Variants in SNRNP200 observed in about 807,000 individuals in gnomAD.
The protein encoded by SNRNP200 is U5 small nuclear ribonucleoprotein 200 kDa helicase.
In SNRNP200, 66 loss-of-function variants were observed where a neutral mutation model predicts 255.2. That is an observed-to-expected ratio of 0.26 (90% CI 0.21 to 0.32). The LOEUF (loss-of-function observed/expected upper bound fraction) is 0.32, where lower values mean the gene tolerates loss of function less well. SNRNP200 is among the 10% of genes least tolerant of loss of function. The pLI, the probability that SNRNP200 is intolerant of heterozygous loss-of-function variation, is 1.00. For missense variants in SNRNP200, 1,585 were observed against 2,749.8 expected (o/e 0.58, Z 9.47); for synonymous variants, 939 against 1,027.8 (o/e 0.91, Z 1.65).
At chr2:96,285,458 A>C (rs2063838591) in intron 29 of SNRNP200, 118 bp from the exon 30 acceptor site, 1 of 1,178,658 alleles carries the variant, frequency 8.5e-7, no homozygotes, top group African/African-American at 1.5e-5. Context: ...GCAGTTCTGG[A>C]GTGCAGACAG....
chr2:96,295,435 A>C, intron 14 of SNRNP200, 53 bp downstream of exon 14: 1 of 1,607,838 alleles, frequency 6.2e-7, no homozygotes, highest in Non-Finnish European at 8.5e-7. Context: ...AAAACCCAGC[A>C]AACCCGCCCT....
chr2:96,291,553 C>A lies in SNRNP200; in HGVS notation c.2311-51G>T. 7.5e-7 allele frequency: 1 copy of A among 1,338,366 alleles called. No homozygotes were observed. Among genetic ancestry groups the A allele is most frequent in the Non-Finnish European group, 1.1e-6 (1 of 929,610 alleles). 82.9% of individuals were successfully genotyped at this position (1,338,366 alleles called of 1,614,324 possible). The stretch of plus-strand genomic sequence containing the variant: ...GGCGAGCCTTCCTGTAGGACTCATC[C>A]AAGGACTAAGGAAATCTCCTCCCAT... On this transcript the variant is annotated intron_variant, in intron 17 of 44. Transcript: ENST00000323853. This position sits in a 1 kb window ranked among gnomAD's most constrained non-coding sequence, Gnocchi z 4.2.
At chr2:96,281,508 C>A in intron 35 of SNRNP200, 2 of 380,164 alleles carry the variant, frequency 5.3e-6, no homozygotes, top group Non-Finnish European at 1.0e-5. Context: ...AGGTGTATGA[C>A]CTCGACCAAG....
Position 96,277,450 on chromosome 2 carries a change from C to A in SNRNP200, c.5931+89G>T. 1 of 1,506,386 alleles carries A rather than the reference C, an allele frequency of 6.6e-7. No individual in the cohort carries two copies. The highest frequency in any genetic ancestry group is 9.2e-7 in the Non-Finnish European group (1 of 1,086,518). The allele number at this position is 1,506,386 out of a possible 1,614,324, so 93.3% of individuals were successfully genotyped here. A position where few individuals can be genotyped will look rare whatever the true frequency, so the allele number is the denominator to read the frequency against. On this transcript the variant is annotated intron_variant, in intron 41 of 44. Coordinates refer to ENST00000323853, the MANE Select transcript of SNRNP200 (RefSeq NM_014014.5). The surrounding 1 kb of genome is among the most constrained non-coding windows in gnomAD (Gnocchi z 4.4). ...GAACCATAACTAAAAGTTTAACTTA[C>A]TGAGACTCACCTCCCGCAACCCACG...
At chr2:96,297,342 T>C (rs2063923269) in intron 11 of SNRNP200, 21 bp downstream of exon 11, 1 of 1,612,470 alleles carries the variant, frequency 6.2e-7, no homozygotes, top group Non-Finnish European at 8.5e-7. Flanking sequence ...AGCAGAGAAC[T>C]GAAGAAAGCA....
chr2:96,276,876 C>G, intron 43 of SNRNP200, 28 bp downstream of exon 43: 1 of 1,612,838 alleles, frequency 6.2e-7, no homozygotes, highest in Non-Finnish European at 8.5e-7. Flanking sequence ...TGAGTTGACA[C>G]CTGACCAAGC....
chr2:96,295,981 A>G (rs1171753491), intron 13 of SNRNP200, among the ~76,000 whole-genome samples: 2 of 152,058 alleles, frequency 1.3e-5, no homozygotes, highest in Non-Finnish European at 2.9e-5. Context: ...AAAAAATATA[A>G]AAATTAGCTA....
At chr2:96,285,365 T>G in intron 29 of SNRNP200, 25 bp from the exon 30 acceptor site, 1 of 1,612,892 alleles carries the variant, frequency 6.2e-7, no homozygotes, top group Non-Finnish European at 8.5e-7. Context: ...AAAGAAGCAG[T>G]GTAAGTATCA....
At chr2:96,281,770 T>C in intron 35 of SNRNP200, 44 bp downstream of exon 35, 3 of 1,399,404 alleles carry the variant, frequency 2.1e-6, no homozygotes, top group Non-Finnish European at 3.0e-6. Context: ...ACATTCATTT[T>C]AGGAAGGAGG....
chr2:96,298,866 A>G lies in SNRNP200; in HGVS notation c.831T>C (p.Asp277=), dbSNP rs779797601. The G allele has an allele frequency of 5.0e-6, 8 of 1,614,206 alleles. No homozygotes were observed. The highest frequency in any genetic ancestry group is 1.7e-5 in the Admixed American group (1 of 60,034). Residue 277 remains aspartate (D), a synonymous_variant, in exon 7 of 45, where the codon GAT becomes GAC. Transcript: ENST00000323853. ...CCTTCTTCTGCGACACGATGGCATC[A>G]TCATAGAAACGACTGAGCTGCCGCT... The part of the protein sequence containing the change: ...WLQRQLSRFY[D]DAIVSQKKAD...
intron 4 of SNRNP200, 43 bp downstream of exon 4, chr2:96,301,481 C>A (rs751968991): frequency 9.4e-6 from 15 of 1,596,944 alleles, no homozygotes; most frequent in Admixed American, 6.7e-5. Context: ...TAGGGGTCAA[C>A]AACAACCAAT....
At position 96,287,228 on chromosome 2, in the gene SNRNP200, G is replaced by T; in HGVS notation, c.3485-68C>A. 1 of 1,583,584 alleles carries T rather than the reference G, an allele frequency of 6.3e-7. No homozygotes were observed. Among genetic ancestry groups the T allele is most frequent in the East Asian group, 2.2e-5 (1 of 44,738 alleles). ...TACTATACTGCAAACTGGGCCTGAG[G>T]GCCACTGTGGGAAAGGGGTAGGGTC... On this transcript the variant is annotated intron_variant, in intron 26 of 44. Transcript: ENST00000323853. This position sits in a 1 kb window ranked among gnomAD's most constrained non-coding sequence, Gnocchi z 5.7.
At position 96,295,673 on chromosome 2, in the gene SNRNP200, C is replaced by G; in HGVS notation, c.1672-15G>C. On this transcript the variant is annotated splice_polypyrimidine_tract_variant and intron_variant, in intron 13 of 44. Coordinates refer to ENST00000323853, the MANE Select transcript of SNRNP200 (RefSeq NM_014014.5). ...GTGGCCAGGCGCTGTGGGAGGAAAACTACATCAGGCAGGAATGCTTGAAGG... is the reference window on the plus strand; with the variant it reads ...GTGGCCAGGCGCTGTGGGAGGAAAAGTACATCAGGCAGGAATGCTTGAAGG... 6.2e-7 allele frequency: 1 copy of G among 1,612,750 alleles called. No homozygotes were observed. The highest frequency in any genetic ancestry group is 8.5e-7 in the Non-Finnish European group (1 of 1,179,926).
chr2:96,290,294 A>G lies in SNRNP200; in HGVS notation c.2742+32T>C. 1 of 1,611,324 alleles carries G rather than the reference A, an allele frequency of 6.2e-7. No homozygotes were observed. Among genetic ancestry groups the G allele is most frequent in the Non-Finnish European group, 8.5e-7 (1 of 1,178,500 alleles). ...CTGGTGCCTTGGTGTCTGCGGGGAA[A>G]GCATGAAGCACAACAAGCAGTCCTC... On this transcript the variant is annotated intron_variant, in intron 20 of 44. Coordinates refer to ENST00000323853, the MANE Select transcript of SNRNP200 (RefSeq NM_014014.5). The surrounding 1 kb of genome is among the most constrained non-coding windows in gnomAD (Gnocchi z 4.5).
chr2:96,274,996 G>A lies in SNRNP200; in HGVS notation c.*16C>T. On this transcript the variant is annotated 3_prime_UTR_variant, in exon 45 of 45. Transcript: ENST00000323853. ...AGGCTCAACTCTCCTTTACCCAAAA[G>A]TAAATGCCTCAGGACTCAATCTGAA... The A allele has an allele frequency of 6.2e-7, 1 of 1,613,448 alleles. No homozygotes were observed. The highest frequency in any genetic ancestry group is 1.1e-5 in the South Asian group (1 of 91,050).
chr2:96,286,282 G>T lies in SNRNP200; in HGVS notation c.4003+29C>A. 6.2e-7 allele frequency: 1 copy of T among 1,610,388 alleles called. No individual in the cohort carries two copies. The highest frequency in any genetic ancestry group is 8.5e-7 in the Non-Finnish European group (1 of 1,176,866). ...CATCTGTCTCCCGGTGACTTCAAAA[G>T]CCTCCAGAGGAGGGATGGAAACACT... On this transcript the variant is annotated intron_variant, in intron 29 of 44. Coordinates refer to ENST00000323853, the MANE Select transcript of SNRNP200 (RefSeq NM_014014.5). This position sits in a 1 kb window ranked among gnomAD's most constrained non-coding sequence, Gnocchi z 4.8.
rs1044780826 is a variant in SNRNP200, at chr2:96,290,061, A to G, written c.2743-65T>C. ...CTTGATGTCCAAATGACAGGCTCCC[A>G]TGAATTGCTTAGAAATTAATTCCCA... On this transcript the variant is annotated intron_variant, in intron 20 of 44. Coordinates refer to ENST00000323853, the MANE Select transcript of SNRNP200 (RefSeq NM_014014.5). This position sits in a 1 kb window ranked among gnomAD's most constrained non-coding sequence, Gnocchi z 4.5. 3 of 1,474,824 alleles carry G rather than the reference A, an allele frequency of 2.0e-6. No individual in the cohort carries two copies. The highest frequency in any genetic ancestry group is 1.4e-5 in the African/African-American group (1 of 72,100). The allele number at this position is 1,474,824 out of a possible 1,614,324, so 91.4% of individuals were successfully genotyped here.
chr2:96,302,573 C>T (rs977129467), intron 3 of SNRNP200, among the ~76,000 whole-genome samples: 3 of 152,170 alleles, frequency 2.0e-5, no homozygotes, highest in African/African-American at 7.2e-5. Flanking sequence ...AATTCAATTC[C>T]GTTCCAACAC....
chr2:96,296,430 G>T, intron 13 of SNRNP200, 106 bp downstream of exon 13: 1 of 1,098,872 alleles, frequency 9.1e-7, no homozygotes, highest in East Asian at 2.5e-5. Flanking sequence ...ATCCCAGGAG[G>T]CATGCCAGAG....
Sources: allele counts gnomAD v4.1 joint callset (sites outside exome capture counted in the v4.1 genomes callset), GRCh38; gene constraint gnomAD v4.1.1; non-coding constraint Gnocchi (gnomAD v3.1); transcripts MANE v1.5; gene names NCBI Gene and HGNC (gene_info 2026-07-23, HGNC 2026-07-21).